Variants in TP73 observed in about 807,000 individuals in gnomAD.
TP73 encodes p53-like transcription factor.
TP73 carries 25 observed loss-of-function variants against 62.5 expected under a neutral mutation model. The ratio of observed to expected loss-of-function variants is 0.40; its 90% CI spans 0.29 to 0.56. The LOEUF (loss-of-function observed/expected upper bound fraction) is 0.56, where lower values mean the gene tolerates loss of function less well. Ranked by LOEUF, TP73 falls within the 20% of genes least tolerant of loss-of-function variation. TP73 has a pLI of 0.46. For synonymous variants in TP73, 423 were observed against 377.5 expected (o/e 1.12, Z -1.40); for missense variants, 754 against 913.3 (o/e 0.83, Z 2.25).
intron 1 of TP73, among the ~76,000 whole-genome samples, chr1:3,669,886 G>A (rs732903): frequency 0.034 from 5,224 of 152,286 alleles, 207 homozygotes; most frequent in African/African-American, 0.086. Flanking sequence ...CAGTGCCTGC[G>A]GACACATGTG....
Position 3,706,454 on chromosome 1 carries a change from C to CTG in TP73, c.187-1095_187-1094insTG, listed in dbSNP as rs1639655022. Among the ~76,000 whole-genome samples the CTG allele has an allele frequency of 3.4e-5, 4 of 117,710 alleles. 1 individual carries two copies. The highest frequency in any genetic ancestry group is 7.9e-5 in the Non-Finnish European group (4 of 50,746). 77.2% of individuals were successfully genotyped at this position (117,710 alleles called of 152,430 possible). A position where few individuals can be genotyped will look rare whatever the true frequency, so the allele number is the denominator to read the frequency against. ...GTAATAGGGACAATCACGGTGCCCG[C>CTG]CGCAGGCCCGGGGAGAGGGGTAATA... On this transcript the variant is annotated intron_variant, in intron 3 of 13. Coordinates refer to ENST00000378295, the MANE Select transcript of TP73 (RefSeq NM_005427.4).
At chr1:3,716,496 C>T (rs1640606623) in intron 4 of TP73, among the ~76,000 whole-genome samples, 2 of 152,222 alleles carry the variant, frequency 1.3e-5, no homozygotes, top group South Asian at 4.1e-4. Flanking sequence ...GCGATTGCCA[C>T]ATGTGTCCTT....
chr1:3,685,653 C>T (rs1440791981), intron 3 of TP73, among the ~76,000 whole-genome samples: 2 of 152,228 alleles, frequency 1.3e-5, no homozygotes, highest in South Asian at 2.1e-4. Flanking sequence ...CGGGTGGGCT[C>T]GGGCAGCCTG....
chr1:3,708,954 G>A (rs900105574), intron 4 of TP73, among the ~76,000 whole-genome samples: 1 of 152,222 alleles, frequency 6.6e-6, no homozygotes. Context: ...ACCCCCTGTC[G>A]GGAGTGCTGA....
At chr1:3,720,101 T>C (rs953260974) in intron 4 of TP73, among the ~76,000 whole-genome samples, 8 of 152,318 alleles carry the variant, frequency 5.3e-5, no homozygotes, top group Middle Eastern at 3.4e-3. Context: ...ATTTGTATTT[T>C]TGGTAGAGAC....
intron 1 of TP73, among the ~76,000 whole-genome samples, chr1:3,659,750 C>T (rs546107011): frequency 2.6e-5 from 4 of 152,266 alleles, no homozygotes; most frequent in Admixed American, 6.5e-5. Context: ...GGCATCATCT[C>T]GACTCACTGC....
Position 3,734,887 on chromosome 1 carries a change from C to T in TP73, c.*1808C>T, listed in dbSNP as rs1303284069. The T allele has an allele frequency of 6.6e-6, 1 of 152,370 alleles. No individual in the cohort carries two copies. Among genetic ancestry groups the T allele is most frequent in the Non-Finnish European group, 1.5e-5 (1 of 68,168 alleles). 9.4% of individuals were successfully genotyped at this position (152,370 alleles called of 1,614,324 possible). On this transcript the variant is annotated 3_prime_UTR_variant, in exon 14 of 14. Transcript: ENST00000378295. This position sits in a 1 kb window ranked among gnomAD's most constrained non-coding sequence, Gnocchi z 4.4. ...CTGCAGCCAGGGCGAGGGCCTGGCC[C>T]TTCCTTCCAGCTCCTTCCGGCTCCT...
intron 4 of TP73, 102 bp downstream of exon 4, chr1:3,707,893 G>T: frequency 6.7e-7 from 1 of 1,482,112 alleles, no homozygotes. Flanking sequence ...TCGCCCCACT[G>T]TCTGCTCGGG....
intron 3 of TP73, among the ~76,000 whole-genome samples, chr1:3,702,637 G>C (rs1210787843): frequency 2.6e-5 from 4 of 152,214 alleles, no homozygotes; most frequent in Non-Finnish European, 5.9e-5. Flanking sequence ...CAAGGCCCTG[G>C]GGCCCCAGCA....
chr1:3,705,329 C>T (rs1639536945), intron 3 of TP73, among the ~76,000 whole-genome samples: 1 of 152,248 alleles, frequency 6.6e-6, no homozygotes, highest in African/African-American at 2.4e-5. Flanking sequence ...CCCTGGGCTC[C>T]TGGGAAGGAC....
intron 1 of TP73, among the ~76,000 whole-genome samples, chr1:3,675,003 A>G (rs944745723): frequency 2.0e-5 from 3 of 151,548 alleles, no homozygotes; most frequent in Non-Finnish European, 4.4e-5. Flanking sequence ...TCCTCCCACA[A>G]TGGCCCAGGT....
rs137895974 is a variant in TP73 at position 3,654,140 on chromosome 1, C to T, written c.-34+1499C>T. Reference sequence around the variant, plus strand: ...AGCGAGCTGATATCATGCCACTGCACTCCAGCCTGGGCAACAGAGCAAGAC... The same window carrying T: ...AGCGAGCTGATATCATGCCACTGCATTCCAGCCTGGGCAACAGAGCAAGAC... On this transcript the variant is annotated intron_variant, in intron 1 of 13. Transcript: ENST00000378295. Among the ~76,000 whole-genome samples the T allele has an allele frequency of 7.8e-3, 1,182 of 152,288 alleles. 16 individuals carry two copies. The highest frequency in any genetic ancestry group is 0.027 in the African/African-American group (1,118 of 41,560).
chr1:3,720,814 C>A (rs1289403576), intron 4 of TP73, among the ~76,000 whole-genome samples: 1 of 152,250 alleles, frequency 6.6e-6, no homozygotes, highest in Non-Finnish European at 1.5e-5. Flanking sequence ...ACTTCCTTGG[C>A]AAAGGGAAGA....
intron 3 of TP73, among the ~76,000 whole-genome samples, chr1:3,700,746 A>C (rs1229559717): frequency 6.6e-6 from 1 of 151,630 alleles, no homozygotes; most frequent in Non-Finnish European, 1.5e-5. Flanking sequence ...CCACCACTGC[A>C]CTCCAGCCTG....
At chr1:3,695,041 G>A (rs183709943) in intron 3 of TP73, among the ~76,000 whole-genome samples, 389 of 152,346 alleles carry the variant, frequency 2.6e-3, no homozygotes, top group African/African-American at 8.9e-3. Flanking sequence ...CCACATGGGG[G>A]ACTGGATAAT....
rs570553428 is a variant in TP73 at position 3,663,246 on chromosome 1, C to T, written c.-34+10605C>T. ...AAGAGGACCCTCTGCCTATCACGAG[C>T]CTGGTGGCTGCCGTACCAGTAATGA... On this transcript the variant is annotated intron_variant, in intron 1 of 13. Coordinates refer to ENST00000378295, the MANE Select transcript of TP73 (RefSeq NM_005427.4). The surrounding 1 kb of genome is among the most constrained non-coding windows in gnomAD (Gnocchi z 4.7). 6.6e-6 allele frequency among the ~76,000 whole-genome samples: 1 copy of T among 152,226 alleles called. No homozygotes were observed. Among genetic ancestry groups the T allele is most frequent in the East Asian group, 1.9e-4 (1 of 5,164 alleles).
intron 4 of TP73, among the ~76,000 whole-genome samples, chr1:3,710,461 C>T (rs892265123): frequency 5.9e-5 from 9 of 152,152 alleles, no homozygotes; most frequent in African/African-American, 1.9e-4. Flanking sequence ...TCCCACCATG[C>T]GGGTGCTGCC....
intron 3 of TP73, among the ~76,000 whole-genome samples, chr1:3,685,152 C>G (rs1187710722): frequency 6.6e-6 from 1 of 152,186 alleles, no homozygotes; most frequent in East Asian, 1.9e-4. Flanking sequence ...GGGCAGAAGG[C>G]CCCTAAGATG....
intron 1 of TP73, among the ~76,000 whole-genome samples, chr1:3,668,247 C>G (rs1466002412): frequency 6.6e-6 from 1 of 152,200 alleles, no homozygotes; most frequent in African/African-American, 2.4e-5. Flanking sequence ...CAAAGAGTCA[C>G]CCGGCTGCGA....
Sources: gnomAD v4.1 joint callset for allele counts (sites outside exome capture counted in the v4.1 genomes callset) on GRCh38, gnomAD v4.1.1 for gene constraint, Gnocchi (gnomAD v3.1) non-coding constraint, MANE v1.5 for transcripts, NCBI Gene and HGNC (gene_info 2026-07-23, HGNC 2026-07-21) for gene names.